The following YIPF5 variants were observed in gnomAD, a reference collection of about 807,000 sequenced individuals.
YIPF5 encodes the protein protein YIPF5.
YIPF5 carries 8 observed loss-of-function variants against 30.4 expected under a neutral mutation model. The observed-to-expected ratio is 0.26, with a 90% CI of 0.15 to 0.47. The LOEUF (loss-of-function observed/expected upper bound fraction) is 0.47. Ranked by LOEUF, YIPF5 falls within the 20% of genes least tolerant of loss-of-function variation. The pLI, the probability that YIPF5 is intolerant of heterozygous loss-of-function variation, is 0.99. For synonymous variants in YIPF5, 104 were observed against 107.9 expected (o/e 0.96, Z 0.23); for missense variants, 282 against 301.8 (o/e 0.93, Z 0.49).
Position 144,165,488 on chromosome 5 carries a change from G to A in YIPF5, c.227C>T (p.Ala76Val), listed in dbSNP as rs35429531. 0.021 allele frequency: 33,926 copies of A among 1,614,122 alleles called. 413 individuals carry two copies. The highest frequency in any genetic ancestry group is 0.03 in the Middle Eastern group (180 of 6,060). ...IYQPTQAYTP[A>V]SPQPFYGNNF... is the part of the protein sequence containing the mutation. ...GTTTCCATAGAAAGGCTGAGGTGAAGCTGGAGTATATGCCTGAGTTGGCTG... is the reference window on the plus strand; with the variant it reads ...GTTTCCATAGAAAGGCTGAGGTGAAACTGGAGTATATGCCTGAGTTGGCTG... The change falls in exon 3 of 6, where the codon GCT becomes GTT. Residue 76 changes from alanine (A) to valine (V), a missense_variant. Transcript: ENST00000274496.
Position 144,160,184 on chromosome 5 carries a change from A to G in YIPF5, c.*213T>C. The G allele has an allele frequency of 7.8e-7, 1 of 1,285,830 alleles. No homozygotes were observed. Among genetic ancestry groups the G allele is most frequent in the Non-Finnish European group, 9.8e-7 (1 of 1,018,582 alleles). The allele number at this position is 1,285,830 out of a possible 1,614,324, so 79.7% of individuals were successfully genotyped here. Reference sequence around the variant, plus strand: ...GCATTTCTTATCTGTATAAACACAAACATTTAAAGCTAGTCACACCGCAGG... The same window carrying G: ...GCATTTCTTATCTGTATAAACACAAGCATTTAAAGCTAGTCACACCGCAGG... On this transcript the variant is annotated 3_prime_UTR_variant, in exon 6 of 6. Transcript: ENST00000274496.
Position 144,158,288 on chromosome 5 carries a change from C to A in YIPF5, c.*2109G>T. 2 of 541,248 alleles carry A rather than the reference C, an allele frequency of 3.7e-6. No individual in the cohort carries two copies. Among genetic ancestry groups the A allele is most frequent in the South Asian group, 1.8e-5 (1 of 55,492 alleles). 33.5% of individuals were successfully genotyped at this position (541,248 alleles called of 1,614,324 possible). A position where few individuals can be genotyped will look rare whatever the true frequency, so the allele number is the denominator to read the frequency against. ...TCAAACTCTAGAACATCAAATGCAA[C>A]TCCACTGCATAGCTGTTTTGACAGA... On this transcript the variant is annotated 3_prime_UTR_variant, in exon 6 of 6. Transcript: ENST00000274496.
chr5:144,160,256 T>C lies in YIPF5; in HGVS notation c.*141A>G. 2 of 1,481,316 alleles carry C rather than the reference T, an allele frequency of 1.4e-6. No individual in the cohort carries two copies. The highest frequency in any genetic ancestry group is 1.8e-6 in the Non-Finnish European group (2 of 1,118,182). 91.8% of individuals were successfully genotyped at this position (1,481,316 alleles called of 1,614,324 possible). On this transcript the variant is annotated 3_prime_UTR_variant, in exon 6 of 6. Transcript: ENST00000274496. ...AAGTTCTATAAAAATGAACAAGAGATACACGTTTACTTTCATTGCTCCAAC... is the reference window on the plus strand; with the variant it reads ...AAGTTCTATAAAAATGAACAAGAGACACACGTTTACTTTCATTGCTCCAAC...
chr5:144,163,630 C>A (rs1330137998), intron 4 of YIPF5, among the ~76,000 whole-genome samples: 1 of 152,048 alleles, frequency 6.6e-6, no homozygotes, highest in Non-Finnish European at 1.5e-5. Flanking sequence ...ATTATCTTTA[C>A]AACTTTTCTG....
Position 144,167,924 on chromosome 5 carries a change from T to C in YIPF5, c.110+1922A>G, listed in dbSNP as rs1413752312. ...GGTTAACGGAGATGGACATTTAAAA[T>C]GTCATTAGATTGCAGATCTACTTGA... On this transcript the variant is annotated intron_variant, in intron 2 of 5. Coordinates refer to ENST00000274496, the MANE Select transcript of YIPF5 (RefSeq NM_030799.9). Among the ~76,000 whole-genome samples the C allele has an allele frequency of 2.0e-5, 3 of 152,206 alleles. No homozygotes were observed. The East Asian group carries it at 5.8e-4, about 29-fold the overall frequency.
chr5:144,159,673 G>A lies in YIPF5; in HGVS notation c.*724C>T. 1.0e-6 allele frequency: 1 copy of A among 982,670 alleles called. No individual in the cohort carries two copies. The highest frequency in any genetic ancestry group is 1.2e-6 in the Non-Finnish European group (1 of 829,264). The allele number at this position is 982,670 out of a possible 1,614,324, so 60.9% of individuals were successfully genotyped here. A position where few individuals can be genotyped will look rare whatever the true frequency, so the allele number is the denominator to read the frequency against. On this transcript the variant is annotated 3_prime_UTR_variant, in exon 6 of 6. Coordinates refer to ENST00000274496, the MANE Select transcript of YIPF5 (RefSeq NM_030799.9). ...GGCAATTTTTCTTTCCTAAATCCTT[G>A]GAAAAATATTTTTGCAGTAAGTCTT...
rs1332704084 is a variant in YIPF5 at position 144,165,519 on chromosome 5, T to A, written c.196A>T (p.Ile66Phe). The A allele has an allele frequency of 6.2e-7, 1 of 1,614,024 alleles. No homozygotes were observed. Among genetic ancestry groups the A allele is most frequent in the African/African-American group, 1.3e-5 (1 of 74,910 alleles). ...GTATATGCCTGAGTTGGCTGGTAAA[T>A]CTGCCCGGTGTATGGCTGTTGTGGC... is the stretch of plus-strand genomic sequence containing the variant. ...MQPQQPYTGQIYQPTQAYTPA... is the reference protein window; with the variant it reads ...MQPQQPYTGQFYQPTQAYTPA... The change falls in exon 3 of 6, where the codon ATT (isoleucine) becomes TTT (phenylalanine). Residue 66 changes from isoleucine to phenylalanine, a missense_variant. Coordinates refer to ENST00000274496, the MANE Select transcript of YIPF5 (RefSeq NM_030799.9).
At chr5:144,161,290 C>G (rs1752032592) in intron 5 of YIPF5, among the ~76,000 whole-genome samples, 1 of 149,614 alleles carries the variant, frequency 6.7e-6, no homozygotes, top group Non-Finnish European at 1.5e-5. Flanking sequence ...GCACACTGGC[C>G]AAGAGGAGGA....
Position 144,161,794 on chromosome 5 carries a change from C to T in YIPF5, c.611+424G>A, listed in dbSNP as rs117958352. Among the ~76,000 whole-genome samples the T allele has an allele frequency of 5.9e-4, 90 of 152,346 alleles. 1 individual carries two copies. The East Asian group carries it at 0.015, about 25-fold the overall frequency. ...ATACATTTCATTTCCAGTTAGAAAGCTGCCCAATAGAGAGTATGTATTTAT... is the reference window on the plus strand; with the variant it reads ...ATACATTTCATTTCCAGTTAGAAAGTTGCCCAATAGAGAGTATGTATTTAT... On this transcript the variant is annotated intron_variant, in intron 5 of 5. Transcript: ENST00000274496.
Position 144,159,324 on chromosome 5 carries a change from G to T in YIPF5, c.*1073C>A. 1.0e-6 allele frequency: 1 copy of T among 974,264 alleles called. No homozygotes were observed. Among genetic ancestry groups the T allele is most frequent in the Non-Finnish European group, 1.2e-6 (1 of 819,908 alleles). The allele number at this position is 974,264 out of a possible 1,614,324, so 60.4% of individuals were successfully genotyped here. ...TCAAATGTACTTTACATTGATAATTGCAATATTGAATTTTGTAAAACTTTA... is the reference window on the plus strand; with the variant it reads ...TCAAATGTACTTTACATTGATAATTTCAATATTGAATTTTGTAAAACTTTA... On this transcript the variant is annotated 3_prime_UTR_variant, in exon 6 of 6. Transcript: ENST00000274496.
rs897805254 is a variant in YIPF5 at position 144,158,871 on chromosome 5, T to G, written c.*1526A>C. 9 of 984,360 alleles carry G rather than the reference T, an allele frequency of 9.1e-6. No individual in the cohort carries two copies. The Admixed American group carries it at 3.7e-4, about 40-fold the overall frequency. 61.0% of individuals were successfully genotyped at this position (984,360 alleles called of 1,614,324 possible). On this transcript the variant is annotated 3_prime_UTR_variant, in exon 6 of 6. Transcript: ENST00000274496. ...AAAACTTGTTCTAAAAAAGAACCAT[T>G]GATACATCATTTTGACATTTCTATT...
At chr5:144,169,121 G>A (rs1003801013) in intron 2 of YIPF5, among the ~76,000 whole-genome samples, 2 of 152,154 alleles carry the variant, frequency 1.3e-5, no homozygotes, top group East Asian at 1.9e-4. Context: ...TATTTGACAG[G>A]AAGCTGATAA....
At chr5:144,163,000 C>G (rs1328096303) in intron 4 of YIPF5, among the ~76,000 whole-genome samples, 9 of 151,952 alleles carry the variant, frequency 5.9e-5, no homozygotes, top group Admixed American at 5.9e-4. Flanking sequence ...CTTTATTTTT[C>G]CAAATTATTG....
rs1399485631 is a variant in YIPF5, at chr5:144,158,619, G to GA, written c.*1777dup. 1.9e-6 allele frequency: 2 copies of GA among 1,057,266 alleles called. No individual in the cohort carries two copies. Among genetic ancestry groups the GA allele is most frequent in the African/African-American group, 3.5e-5 (2 of 57,584 alleles). 65.5% of individuals were successfully genotyped at this position (1,057,266 alleles called of 1,614,324 possible). A position where few individuals can be genotyped will look rare whatever the true frequency, so the allele number is the denominator to read the frequency against. The stretch of plus-strand genomic sequence containing the variant: ...CTATACTGAAAAAGACAAATGAATT[G>GA]AAAAAGACAAAAATACTATCCAAGA... On this transcript the variant is annotated 3_prime_UTR_variant, in exon 6 of 6. Coordinates refer to ENST00000274496, the MANE Select transcript of YIPF5 (RefSeq NM_030799.9).
chr5:144,163,268 A>T (rs1477059038), intron 4 of YIPF5, among the ~76,000 whole-genome samples: 1 of 152,220 alleles, frequency 6.6e-6, no homozygotes, highest in African/African-American at 2.4e-5. Flanking sequence ...GACTTTTATT[A>T]GATTATTTGT....
In YIPF5 at chr5:144,158,774, G is replaced by A. The variant is rs561882206; in HGVS notation, c.*1623C>T. On this transcript the variant is annotated 3_prime_UTR_variant, in exon 6 of 6. Coordinates refer to ENST00000274496, the MANE Select transcript of YIPF5 (RefSeq NM_030799.9). Reference sequence around the variant, plus strand: ...TAATGACAAGTGGGTTTCTCCAGACGATTAATGAAGAAAAACATACTTATG... The same window carrying A: ...TAATGACAAGTGGGTTTCTCCAGACAATTAATGAAGAAAAACATACTTATG... 1.8e-5 allele frequency: 18 copies of A among 990,530 alleles called. No homozygotes were observed. Among genetic ancestry groups the A allele is most frequent in the African/African-American group, 7.0e-5 (4 of 57,282 alleles). 61.4% of individuals were successfully genotyped at this position (990,530 alleles called of 1,614,324 possible). A position where few individuals can be genotyped will look rare whatever the true frequency, so the allele number is the denominator to read the frequency against.
rs1433641986 is a variant in YIPF5, at chr5:144,158,485, AAC to A, written c.*1910_*1911del. ...CATATGTGATATTTGGCTGAAGATT[AAC>A]AGTGTTAAGTCTAACCAACAGCGAG... On this transcript the variant is annotated 3_prime_UTR_variant, in exon 6 of 6. Coordinates refer to ENST00000274496, the MANE Select transcript of YIPF5 (RefSeq NM_030799.9). The A allele has an allele frequency of 1.6e-6, 2 of 1,269,182 alleles. No individual in the cohort carries two copies. The highest frequency in any genetic ancestry group is 3.1e-5 in the African/African-American group (2 of 64,356). The allele number at this position is 1,269,182 out of a possible 1,614,324, so 78.6% of individuals were successfully genotyped here.
chr5:144,159,018 A>AT lies in YIPF5; in HGVS notation c.*1378dup, dbSNP rs2126753566. On this transcript the variant is annotated 3_prime_UTR_variant, in exon 6 of 6. Coordinates refer to ENST00000274496, the MANE Select transcript of YIPF5 (RefSeq NM_030799.9). ...GAGACAGTTTTTCTAGAAAAAGCCA[A>AT]TGATCAGTATACAAGATACAGTATT... 5.1e-6 allele frequency: 5 copies of AT among 985,028 alleles called. No individual in the cohort carries two copies. The South Asian group carries it at 1.9e-4, about 37-fold the overall frequency. 61.0% of individuals were successfully genotyped at this position (985,028 alleles called of 1,614,324 possible). A position where few individuals can be genotyped will look rare whatever the true frequency, so the allele number is the denominator to read the frequency against.
chr5:144,164,228 C>A lies in YIPF5; in HGVS notation c.312G>T (p.Trp104Cys). Residue 104 changes from tryptophan to cysteine, a missense_variant, in exon 4 of 6, where the codon TGG becomes TGT. Transcript: ENST00000274496. ...GATGTAATACTGTTAGTGTTTTTTG[C>A]CAGATGTGGTCAAAATTGATACCTA... ...EELGINFDHI[W>C]QKTLTVLHPL... 2 of 1,608,410 alleles carry A rather than the reference C, an allele frequency of 1.2e-6. No individual in the cohort carries two copies. Among genetic ancestry groups the A allele is most frequent in the Non-Finnish European group, 8.5e-7 (1 of 1,177,362 alleles).
Sources: gnomAD v4.1 joint callset for allele counts (sites outside exome capture counted in the v4.1 genomes callset) on GRCh38, gnomAD v4.1.1 for gene constraint, MANE v1.5 for transcripts, NCBI Gene and HGNC (gene_info 2026-07-23, HGNC 2026-07-21) for gene names.